RBFOX1: variants seen among roughly 807,000 people sequenced by gnomAD.
The protein encoded by RBFOX1 is RNA binding fox-1 homolog 1.
RBFOX1 carries 8 observed loss-of-function variants against 57.7 expected under a neutral mutation model. The ratio of observed to expected loss-of-function variants is 0.14; its 90% confidence interval spans 0.08 to 0.25. RBFOX1 has a LOEUF of 0.25. Ranked by LOEUF, RBFOX1 falls within the 10% of genes least tolerant of loss-of-function variation. The pLI is 1.00. For missense variants in RBFOX1, 611 were observed against 548.5 expected, an observed-to-expected ratio of 1.11 and a Z score of -1.14; for synonymous variants, 326 against 222.4, an observed-to-expected ratio of 1.47 and a Z score of -4.15.
chr16:6,651,720 G>C lies in RBFOX1; in HGVS notation c.-63-2883G>C, dbSNP rs542730189. 3.3e-5 allele frequency among the ~76,000 whole-genome samples: 5 copies of C among 152,294 alleles called. No individual in the cohort carries two copies. The South Asian group carries it at 1.0e-3, about 32-fold the overall frequency. ...CTCACTTCTGGGCATACGCACAAAAGACTTGAAAGCAGGGAGTTGAATAGA... is the reference window on the plus strand; with the variant it reads ...CTCACTTCTGGGCATACGCACAAAACACTTGAAAGCAGGGAGTTGAATAGA... On this transcript the variant is annotated intron_variant, in intron 2 of 15. Coordinates refer to ENST00000550418, the MANE Select transcript of RBFOX1 (RefSeq NM_018723.4).
At chr16:6,835,490 G>A (rs1260515746) in intron 3 of RBFOX1, among the ~76,000 whole-genome samples, 1 of 151,880 alleles carries the variant, frequency 6.6e-6, no homozygotes, top group East Asian at 1.9e-4. Flanking sequence ...TGGTGGTCAC[G>A]CCTGCAATCC....
chr16:6,240,411 A>T (rs2097534084), intron 1 of RBFOX1, among the ~76,000 whole-genome samples: 2 of 152,164 alleles, frequency 1.3e-5, no homozygotes, highest in South Asian at 4.2e-4. Flanking sequence ...GGGTGGGAAG[A>T]ACCAACTAAG....
At chr16:6,519,276 GA>G (rs1272862643) in intron 2 of RBFOX1, among the ~76,000 whole-genome samples, 4 of 152,114 alleles carry the variant, frequency 2.6e-5, no homozygotes, top group African/African-American at 9.7e-5. Flanking sequence ...AGGGTCAAAT[GA>G]AATGAGAATA....
At chr16:6,677,621 C>G (rs77334229) in intron 3 of RBFOX1, among the ~76,000 whole-genome samples, 2,294 of 152,244 alleles carry the variant, frequency 0.015, 35 homozygotes, top group African/African-American at 0.048. Flanking sequence ...AAGATAAAAT[C>G]TCATTAAAAG....
At chr16:5,281,098 T>C (rs922164527) in intron 1 of RBFOX1, among the ~76,000 whole-genome samples, 1 of 152,182 alleles carries the variant, frequency 6.6e-6, no homozygotes, top group Admixed American at 6.5e-5. Context: ...CTAGTACTGC[T>C]TTTGCTGTGT....
chr16:5,486,233 CTTTAGGGTTCCA>C (rs935328384), intron 2 of RBFOX1, among the ~76,000 whole-genome samples: 1 of 152,122 alleles, frequency 6.6e-6, no homozygotes, highest in African/African-American at 2.4e-5. Context: ...TGATAGATTA[CTTTAGGGTTCCA>C]TCAAGGGTCA....
intron 2 of RBFOX1, among the ~76,000 whole-genome samples, chr16:6,539,160 T>C (rs767337538): frequency 1.3e-5 from 2 of 152,126 alleles, no homozygotes; most frequent in Non-Finnish European, 2.9e-5. Flanking sequence ...GGTATGACTG[T>C]TCTTCTCCTT....
At chr16:7,076,511 A>G (rs572604222) in intron 4 of RBFOX1, among the ~76,000 whole-genome samples, 2 of 152,304 alleles carry the variant, frequency 1.3e-5, no homozygotes, top group Admixed American at 6.5e-5. Context: ...CCTAATATAC[A>G]AAAAATAATG....
intron 1 of RBFOX1, among the ~76,000 whole-genome samples, chr16:5,350,877 A>G (rs1210382731): frequency 2.0e-3 from 1 of 496 alleles, no homozygotes; most frequent in African/African-American, 4.5e-3. Context: ...AGAAAATCAT[A>G]ATCATAATCA....
At chr16:6,304,673 A>G (rs1228499140) in intron 1 of RBFOX1, among the ~76,000 whole-genome samples, 1 of 152,020 alleles carries the variant, frequency 6.6e-6, no homozygotes, top group Non-Finnish European at 1.5e-5. Context: ...ACTTGATGCC[A>G]GGAGTTCAAG....
At chr16:7,324,712 A>G (rs1187381237) in intron 4 of RBFOX1, among the ~76,000 whole-genome samples, 1 of 152,142 alleles carries the variant, frequency 6.6e-6, no homozygotes, top group Non-Finnish European at 1.5e-5. Flanking sequence ...TGAGTTTGTA[A>G]TGACTATCAG....
At chr16:5,898,887 C>T (rs1387612368) in intron 4 of RBFOX1, among the ~76,000 whole-genome samples, 1 of 144,208 alleles carries the variant, frequency 6.9e-6, no homozygotes, top group Non-Finnish European at 1.5e-5. Context: ...TAGTGAGTCT[C>T]CATCTCTATT....
chr16:7,337,762 G>A (rs2096820591), intron 4 of RBFOX1, among the ~76,000 whole-genome samples: 1 of 152,166 alleles, frequency 6.6e-6, no homozygotes, highest in Non-Finnish European at 1.5e-5. Flanking sequence ...TCGGCTCATT[G>A]CAACCTCCAC....
intron 4 of RBFOX1, among the ~76,000 whole-genome samples, chr16:7,255,234 C>T (rs913511889): frequency 2.0e-5 from 3 of 152,106 alleles, no homozygotes; most frequent in African/African-American, 7.2e-5. Context: ...TGGTTAAAGC[C>T]TGAGACTTAA....
chr16:7,179,703 T>A (rs1164666193), intron 4 of RBFOX1, among the ~76,000 whole-genome samples: 1 of 152,026 alleles, frequency 6.6e-6, no homozygotes, highest in Non-Finnish European at 1.5e-5. Context: ...TATATAGAAC[T>A]CTTTAAAAAG....
chr16:6,095,937 C>T (rs182520706), intron 1 of RBFOX1, among the ~76,000 whole-genome samples: 225 of 152,294 alleles, frequency 1.5e-3, no homozygotes, highest in African/African-American at 5.1e-3. Context: ...CAGTCTTCTC[C>T]CTTTGGAGCT....
intron 11 of RBFOX1, among the ~76,000 whole-genome samples, chr16:7,649,456 C>G (rs1368920374): frequency 6.6e-6 from 1 of 152,204 alleles, no homozygotes; most frequent in East Asian, 1.9e-4. Flanking sequence ...ACCTAACTTT[C>G]TGGAAATGTA....
At chr16:7,215,154 T>G (rs6500932) in intron 4 of RBFOX1, among the ~76,000 whole-genome samples, 1 of 151,850 alleles carries the variant, frequency 6.6e-6, no homozygotes, top group East Asian at 1.9e-4. Flanking sequence ...TGAGAACATG[T>G]GGTGTTTGGT....
intron 2 of RBFOX1, among the ~76,000 whole-genome samples, chr16:6,400,455 T>TA (rs1383688802): frequency 6.6e-6 from 1 of 152,214 alleles, no homozygotes; most frequent in Non-Finnish European, 1.5e-5. Flanking sequence ...AGTGAATGTA[T>TA]AGCTATAGAT....
Sources: gnomAD v4.1 joint callset for allele counts (sites outside exome capture counted in the v4.1 genomes callset) on GRCh38, gnomAD v4.1.1 for gene constraint, MANE v1.5 for transcripts, NCBI Gene and HGNC (gene_info 2026-07-23, HGNC 2026-07-21) for gene names.